Variants in COL4A1 observed in about 807,000 individuals in gnomAD.
COL4A1 encodes collagen alpha-1(IV) chain.
COL4A1 carries 40 observed loss-of-function variants against 216.6 expected under a neutral mutation model. The observed-to-expected ratio is 0.18, with a 90% CI of 0.14 to 0.24. The LOEUF (loss-of-function observed/expected upper bound fraction) is 0.24, where lower values mean the gene tolerates loss of function less well. Among genes scored for constraint, COL4A1 ranks in the 10% least tolerant of loss-of-function variants. The probability of loss-of-function intolerance (pLI) is 1.00; values close to 1 mark genes in which losing one functional copy is unlikely to be tolerated. For synonymous variants in COL4A1, 839 were observed against 810.7 expected (o/e 1.03, Z -0.59); for missense variants, 1,628 against 2,196.8 (o/e 0.74, Z 5.18).
intron 49 of COL4A1, among the ~76,000 whole-genome samples, chr13:110,160,546 T>C (rs1249840609): frequency 6.6e-6 from 1 of 152,180 alleles, no homozygotes; most frequent in Non-Finnish European, 1.5e-5. Flanking sequence ...AAAAGAAAGA[T>C]TGAGCAACAC....
At chr13:110,158,934 G>T (rs1047453502) in intron 49 of COL4A1, among the ~76,000 whole-genome samples, 4 of 151,992 alleles carry the variant, frequency 2.6e-5, no homozygotes, top group African/African-American at 9.7e-5. Context: ...GTAGAGATGG[G>T]ATTTCGCCAT....
chr13:110,219,967 C>CATATATATATATATAT (rs71127921), intron 2 of COL4A1, among the ~76,000 whole-genome samples: 11 of 134,162 alleles, frequency 8.2e-5, no homozygotes, highest in African/African-American at 2.8e-4. Flanking sequence ...CATACATATA[C>CATATATATATATATAT]ATATATATAT....
chr13:110,277,675 T>TA (rs1459580452), intron 1 of COL4A1, among the ~76,000 whole-genome samples: 2 of 152,128 alleles, frequency 1.3e-5, no homozygotes, highest in African/African-American at 4.8e-5. Context: ...TCTGTAAACA[T>TA]AAATAAAATG....
chr13:110,269,513 A>G (rs928284710), intron 1 of COL4A1, among the ~76,000 whole-genome samples: 9 of 152,150 alleles, frequency 5.9e-5, no homozygotes, highest in African/African-American at 2.2e-4. Context: ...TATCTTATGT[A>G]TTTATGATGA....
At chr13:110,236,673 T>A (rs1447937611) in intron 2 of COL4A1, among the ~76,000 whole-genome samples, 2 of 152,002 alleles carry the variant, frequency 1.3e-5, no homozygotes, top group African/African-American at 4.8e-5. Flanking sequence ...AGGAAGGAGC[T>A]CCTTGTGGAG....
intron 1 of COL4A1, among the ~76,000 whole-genome samples, chr13:110,306,620 C>T (rs1404849170): frequency 6.6e-6 from 1 of 152,184 alleles, no homozygotes; most frequent in East Asian, 1.9e-4. Flanking sequence ...GCCCAGCTGC[C>T]GAGCATACCC....
intron 22 of COL4A1, 113 bp downstream of exon 22, chr13:110,194,910 A>C (rs191622313): frequency 2.0e-5 from 16 of 798,066 alleles, no homozygotes; most frequent in Admixed American, 4.0e-5. Flanking sequence ...AAATAAAAGG[A>C]ACCTACGCCC....
chr13:110,155,427 G>T, intron 49 of COL4A1, 30 bp from the exon 50 acceptor site: 2 of 1,562,698 alleles, frequency 1.3e-6, no homozygotes, highest in Non-Finnish European at 1.8e-6. Flanking sequence ...ACTCAGCACA[G>T]CCGGGGTGCA....
chr13:110,167,099 G>A (rs1189207803), intron 44 of COL4A1, 59 bp downstream of exon 44: 6 of 1,421,818 alleles, frequency 4.2e-6, no homozygotes, highest in Admixed American at 3.3e-5. Context: ...AGGTTAGCAA[G>A]CTCTTCACAC....
At chr13:110,213,168 C>T (rs185523027) in intron 4 of COL4A1, among the ~76,000 whole-genome samples, 254 of 152,046 alleles carry the variant, frequency 1.7e-3, no homozygotes, top group African/African-American at 5.6e-3. Context: ...ACAGGTAGAG[C>T]GTACACTGCT....
chr13:110,298,821 C>T (rs2139320731), intron 1 of COL4A1: 1 of 152,380 alleles, frequency 6.6e-6, no homozygotes, highest in East Asian at 1.9e-4. Flanking sequence ...CTCGCAGGCT[C>T]GCCGCAGAGG....
intron 2 of COL4A1, among the ~76,000 whole-genome samples, chr13:110,228,125 C>T (rs980395771): frequency 4.6e-5 from 7 of 151,950 alleles, no homozygotes; most frequent in Non-Finnish European, 8.8e-5. Context: ...GCGGGACCAT[C>T]GCGGAGCACC....
At chr13:110,281,088 T>C (rs1883615027) in intron 1 of COL4A1, among the ~76,000 whole-genome samples, 1 of 152,158 alleles carries the variant, frequency 6.6e-6, no homozygotes, top group Non-Finnish European at 1.5e-5. Flanking sequence ...AAACAGAACA[T>C]CCTTTGGCCA....
intron 4 of COL4A1, 131 bp from the exon 5 acceptor site, chr13:110,212,749 C>G (rs1328274951): frequency 9.4e-7 from 1 of 1,069,192 alleles, no homozygotes; most frequent in Non-Finnish European, 1.4e-6. Context: ...AGACAGAGCA[C>G]TCTGCACAAG....
intron 2 of COL4A1, among the ~76,000 whole-genome samples, chr13:110,221,451 G>A (rs902856312): frequency 4.6e-5 from 7 of 152,126 alleles, no homozygotes; most frequent in African/African-American, 9.7e-5. Context: ...AAAGTTCCCC[G>A]AAAGCCATCC....
intron 1 of COL4A1, among the ~76,000 whole-genome samples, chr13:110,302,811 A>G (rs1187005233): frequency 1.3e-5 from 2 of 152,240 alleles, no homozygotes; most frequent in Admixed American, 1.3e-4. Flanking sequence ...TGGTTGCTTA[A>G]TAATAGCAGG....
At chr13:110,263,069 C>G (rs75833314) in intron 1 of COL4A1, among the ~76,000 whole-genome samples, 1 of 152,246 alleles carries the variant, frequency 6.6e-6, no homozygotes, top group African/African-American at 2.4e-5. Flanking sequence ...GAACCCTGTC[C>G]GCTCTCCAAA....
intron 17 of COL4A1, among the ~76,000 whole-genome samples, chr13:110,205,097 C>T (rs940121948): frequency 1.6e-4 from 24 of 152,040 alleles, no homozygotes; most frequent in African/African-American, 5.5e-4. Flanking sequence ...TTTTCTATTG[C>T]TTTATGATCA....
intron 1 of COL4A1, among the ~76,000 whole-genome samples, chr13:110,287,114 C>G (rs1883872634): frequency 6.6e-6 from 1 of 152,160 alleles, no homozygotes; most frequent in African/African-American, 2.4e-5. Context: ...GCCCCGGGCA[C>G]CCCAGGTGTA....
Sources: gnomAD v4.1 joint callset for allele counts (sites outside exome capture counted in the v4.1 genomes callset) on GRCh38, gnomAD v4.1.1 for gene constraint, MANE v1.5 for transcripts, NCBI Gene and HGNC (gene_info 2026-07-23, HGNC 2026-07-21) for gene names.